Variants in NTM observed in about 807,000 individuals in gnomAD.
The protein encoded by NTM is neurotrimin.
A neutral mutation model predicts 42.1 loss-of-function variants in NTM; 13 were observed. The ratio of observed to expected loss-of-function variants is 0.31; its 90% CI spans 0.20 to 0.49. The LOEUF is 0.49. Among genes scored for constraint, NTM ranks in the 20% least tolerant of loss-of-function variants. NTM has a pLI of 0.99. For synonymous variants in NTM, 187 were observed against 179.2 expected (o/e 1.04, Z -0.35); for missense variants, 373 against 452.8 (o/e 0.82, Z 1.60).
At chr11:132,288,914 C>T (rs2094353575) in intron 4 of NTM, among the ~76,000 whole-genome samples, 2 of 152,176 alleles carry the variant, frequency 1.3e-5, no homozygotes, top group African/African-American at 2.4e-5. Flanking sequence ...AGCCACCATG[C>T]CTGGTGCGAT....
Position 131,466,193 on chromosome 11 carries a change from G to A in NTM, c.82+95305G>A, listed in dbSNP as rs574947616. 1.4e-4 allele frequency among the ~76,000 whole-genome samples: 21 copies of A among 152,346 alleles called. No individual in the cohort carries two copies. The East Asian group carries it at 2.5e-3, about 18-fold the overall frequency. On this transcript the variant is annotated intron_variant, in intron 1 of 8. Coordinates refer to ENST00000683400, the MANE Select transcript of NTM (RefSeq NM_001352005.2). ...AGGAGCCCACAAGATAAATCAAGGG[G>A]CAGAGAGAAGAAAACAGCAAAGAGG...
At chr11:132,323,130 A>C in intron 7 of NTM, among the ~76,000 whole-genome samples, 3 of 135,410 alleles carry the variant, frequency 2.2e-5, no homozygotes, top group African/African-American at 5.6e-5. Flanking sequence ...CTAGAAAAGC[A>C]AGAGCAAACA....
intron 2 of NTM, chr11:131,984,786 A>G (rs1227938324): frequency 6.6e-6 from 1 of 152,348 alleles, no homozygotes; most frequent in East Asian, 1.9e-4. Context: ...TAAAAAATAT[A>G]AATAGATATA....
At chr11:131,643,381 G>C (rs2065377600) in intron 1 of NTM, among the ~76,000 whole-genome samples, 1 of 152,324 alleles carries the variant, frequency 6.6e-6, no homozygotes, top group Admixed American at 6.5e-5. Flanking sequence ...GGTGTACCCG[G>C]GTGTGCGCGG....
intron 1 of NTM, among the ~76,000 whole-genome samples, chr11:131,785,926 C>T (rs1348981107): frequency 6.6e-6 from 1 of 152,124 alleles, no homozygotes; most frequent in Admixed American, 6.5e-5. Context: ...CTAACAGGTA[C>T]CTGTAGTGCA....
chr11:132,120,086 C>T (rs1049267183), intron 2 of NTM, among the ~76,000 whole-genome samples: 1 of 152,112 alleles, frequency 6.6e-6, no homozygotes, highest in African/African-American at 2.4e-5. Context: ...CTTGCCTTCC[C>T]TCCCAGTCAC....
chr11:131,921,323 G>T (rs1183899041), intron 2 of NTM, among the ~76,000 whole-genome samples: 1 of 152,168 alleles, frequency 6.6e-6, no homozygotes, highest in African/African-American at 2.4e-5. Flanking sequence ...CAGAAGACAC[G>T]CAGAGAGTGA....
chr11:131,923,584 A>G (rs1565745782), intron 2 of NTM, among the ~76,000 whole-genome samples: 1 of 152,200 alleles, frequency 6.6e-6, no homozygotes, highest in East Asian at 1.9e-4. Flanking sequence ...TGGAATCTAA[A>G]GGGCCTTTAA....
chr11:132,175,113 C>T (rs185683162), intron 3 of NTM, among the ~76,000 whole-genome samples: 43 of 152,162 alleles, frequency 2.8e-4, no homozygotes, highest in African/African-American at 8.2e-4. Flanking sequence ...AAGTGCCCAG[C>T]GCTCATACTA....
intron 2 of NTM, among the ~76,000 whole-genome samples, chr11:132,005,522 A>G (rs144924956): frequency 7.8e-4 from 119 of 152,282 alleles, no homozygotes; most frequent in Middle Eastern, 3.4e-3. Flanking sequence ...GAATGAATGA[A>G]TGTTGGAAGG....
intron 4 of NTM, among the ~76,000 whole-genome samples, chr11:132,262,646 C>T (rs1274459109): frequency 6.6e-6 from 1 of 152,150 alleles, no homozygotes; most frequent in African/African-American, 2.4e-5. Context: ...AATCACCTCC[C>T]AAATGCCTCA....
intron 4 of NTM, among the ~76,000 whole-genome samples, chr11:132,255,598 G>A (rs112555903): frequency 9.2e-5 from 14 of 152,306 alleles, no homozygotes; most frequent in Middle Eastern, 3.4e-3. Context: ...AAGGGGGTGC[G>A]GAGTGGGTGG....
At chr11:131,371,975 G>GAAAA (rs2135461040) in intron 1 of NTM, among the ~76,000 whole-genome samples, 1 of 152,298 alleles carries the variant, frequency 6.6e-6, no homozygotes, top group East Asian at 1.9e-4. Context: ...CTGACCCGGT[G>GAAAA]AAAAACGATG....
intron 1 of NTM, among the ~76,000 whole-genome samples, chr11:131,549,783 A>G (rs2054416502): frequency 2.0e-5 from 3 of 152,234 alleles, no homozygotes; most frequent in Admixed American, 6.5e-5. Context: ...ATTAGTGGAG[A>G]GGCTGGGGAA....
intron 4 of NTM, among the ~76,000 whole-genome samples, chr11:132,218,867 A>G (rs1021648233): frequency 7.9e-5 from 12 of 152,124 alleles, no homozygotes; most frequent in Admixed American, 3.3e-4. Flanking sequence ...AAAGGCAGCA[A>G]TGTGTCTGAA....
intron 1 of NTM, among the ~76,000 whole-genome samples, chr11:131,861,888 T>C (rs2046672897): frequency 6.6e-6 from 1 of 152,040 alleles, no homozygotes; most frequent in Non-Finnish European, 1.5e-5. Context: ...CATTCAGAGG[T>C]GTTCACAGGT....
At position 132,061,866 on chromosome 11, in the gene NTM, T is replaced by A. The variant is rs147597019; in HGVS notation, c.168-84416T>A. Among the ~76,000 whole-genome samples, 981 of 152,260 alleles carry A rather than the reference T, an allele frequency of 6.4e-3. 14 individuals are homozygous for A. The highest frequency in any genetic ancestry group is 0.022 in the African/African-American group (925 of 41,552). On this transcript the variant is annotated intron_variant, in intron 2 of 8. Coordinates refer to ENST00000683400, the MANE Select transcript of NTM (RefSeq NM_001352005.2). ...GAGCTCCATTTTTTAAAGATTTTTT[T>A]AAAAATTTTCTTTTGTTCAGCAGCA...
chr11:132,207,428 A>G (rs537620036), intron 3 of NTM, among the ~76,000 whole-genome samples: 1 of 152,324 alleles, frequency 6.6e-6, no homozygotes, highest in East Asian at 1.9e-4. Flanking sequence ...CAGGAAAACA[A>G]GTTCAGGGTT....
intron 3 of NTM, among the ~76,000 whole-genome samples, chr11:132,175,179 G>T (rs2137921265): frequency 6.6e-6 from 1 of 152,188 alleles, no homozygotes; most frequent in African/African-American, 2.4e-5. Context: ...AAGGTTTGGG[G>T]TGCACTTGGT....
Sources: gnomAD v4.1 joint callset for allele counts (sites outside exome capture counted in the v4.1 genomes callset) on GRCh38, gnomAD v4.1.1 for gene constraint, MANE v1.5 for transcripts, NCBI Gene and HGNC (gene_info 2026-07-23, HGNC 2026-07-21) for gene names.